The following STRN variants were observed in gnomAD, a reference collection of about 807,000 sequenced individuals.
STRN encodes the protein protein phosphatase 2 regulatory subunit B'''alpha.
STRN carries 53 observed loss-of-function variants against 96.3 expected under a neutral mutation model. The ratio of observed to expected loss-of-function variants is 0.55; its 90% CI spans 0.44 to 0.69. The LOEUF is 0.69. Ranked by LOEUF, STRN falls within the 30% of genes least tolerant of loss-of-function variation. The probability of loss-of-function intolerance (pLI) is 0.00; values close to 1 mark genes in which losing one functional copy is unlikely to be tolerated. For missense variants in STRN, 987 were observed against 963.9 expected (o/e 1.02, Z -0.32); for synonymous variants, 428 against 355.9 (o/e 1.20, Z -2.28).
intron 9 of STRN, among the ~76,000 whole-genome samples, chr2:36,878,569 G>A (rs1453537796): frequency 1.3e-5 from 2 of 152,118 alleles, no homozygotes; most frequent in Non-Finnish European, 2.9e-5. Context: ...TTAAAGAAAG[G>A]AAGCAACAAC....
intron 4 of STRN, among the ~76,000 whole-genome samples, chr2:36,903,254 G>C (rs1217907084): frequency 6.6e-6 from 1 of 152,116 alleles, no homozygotes; most frequent in East Asian, 1.9e-4. Context: ...AATAAAAATA[G>C]ACTGCAATTA....
chr2:36,916,544 T>C (rs1670104633), intron 2 of STRN, among the ~76,000 whole-genome samples: 1 of 152,046 alleles, frequency 6.6e-6, no homozygotes, highest in African/African-American at 2.4e-5. Context: ...GTAGAAGACT[T>C]TTCTCAAAAA....
chr2:36,953,939 T>G (rs753349211), intron 1 of STRN, among the ~76,000 whole-genome samples: 4 of 152,072 alleles, frequency 2.6e-5, no homozygotes, highest in Non-Finnish European at 5.9e-5. Context: ...GAGGCTGCAG[T>G]GAACTATGAT....
chr2:36,883,938 C>T lies in STRN; in HGVS notation c.1180G>A (p.Asp394Asn), dbSNP rs1296838899. Residue 394 changes from aspartate (D) to asparagine (N), a missense_variant, in exon 9 of 18, where the codon GAT becomes AAT. By Grantham distance (23) the Asp-to-Asn change is conservative. Coordinates refer to ENST00000263918, the MANE Select transcript of STRN (RefSeq NM_003162.4). ...RLPEHEINRADEVEALTFPPS... is the reference protein window; with the variant it reads ...RLPEHEINRANEVEALTFPPS... Reference sequence around the variant, plus strand: ...GAGTATCTTAAATACTTACCTTCATCTGCCCTATTAATTTCATGTTCAGGA... The same window carrying T: ...GAGTATCTTAAATACTTACCTTCATTTGCCCTATTAATTTCATGTTCAGGA... 4.3e-6 allele frequency: 6 copies of T among 1,382,682 alleles called. No individual in the cohort carries two copies. Among genetic ancestry groups the T allele is most frequent in the Non-Finnish European group, 5.7e-6 (6 of 1,061,440 alleles). 85.7% of individuals were successfully genotyped at this position (1,382,682 alleles called of 1,614,324 possible). A position where few individuals can be genotyped will look rare whatever the true frequency, so the allele number is the denominator to read the frequency against.
At position 36,927,536 on chromosome 2, in the gene STRN, G is replaced by A. The variant is rs563354866; in HGVS notation, c.235-2328C>T. Among the ~76,000 whole-genome samples, 4 of 126,896 alleles carry A rather than the reference G, an allele frequency of 3.2e-5. 1 individual carries two copies. Among genetic ancestry groups the A allele is most frequent in the Non-Finnish European group, 5.0e-5 (3 of 60,524 alleles). 83.2% of individuals were successfully genotyped at this position (126,896 alleles called of 152,430 possible). A position where few individuals can be genotyped will look rare whatever the true frequency, so the allele number is the denominator to read the frequency against. On this transcript the variant is annotated intron_variant, in intron 1 of 17. Coordinates refer to ENST00000263918, the MANE Select transcript of STRN (RefSeq NM_003162.4). The stretch of plus-strand genomic sequence containing the variant: ...AAAAACAAAAAAAAGGGGGGGGGGG[G>A]TGGTAATCAGGGCCAGGCATGGTAG...
At chr2:36,926,466 C>T (rs1162839800) in intron 1 of STRN, among the ~76,000 whole-genome samples, 2 of 152,112 alleles carry the variant, frequency 1.3e-5, no homozygotes, top group African/African-American at 2.4e-5. Context: ...ATTAAGTGAG[C>T]AAGAACTTTA....
In STRN at chr2:36,842,769, T is replaced by C. The variant is rs1667981577; in HGVS notation, c.*6687A>G. Among the ~76,000 whole-genome samples, 1 of 152,204 alleles carries C rather than the reference T, an allele frequency of 6.6e-6. No homozygotes were observed. Among genetic ancestry groups the C allele is most frequent in the Non-Finnish European group, 1.5e-5 (1 of 68,040 alleles). ...ATACAAAACTTACTGAGTTAAAATTTGTGTTTCAGAAAACGGATTCCAATT... is the reference window on the plus strand; with the variant it reads ...ATACAAAACTTACTGAGTTAAAATTCGTGTTTCAGAAAACGGATTCCAATT... On this transcript the variant is annotated 3_prime_UTR_variant, in exon 18 of 18. Transcript: ENST00000263918.
intron 11 of STRN, among the ~76,000 whole-genome samples, chr2:36,869,060 T>C: frequency 6.6e-6 from 1 of 152,114 alleles, no homozygotes; most frequent in Non-Finnish European, 1.5e-5. Context: ...AGTCTAGACA[T>C]ATTGGTGGGT....
intron 9 of STRN, among the ~76,000 whole-genome samples, chr2:36,881,041 C>T (rs1572644275): frequency 6.6e-6 from 1 of 151,520 alleles, no homozygotes; most frequent in East Asian, 1.9e-4. Flanking sequence ...GCAACTAAAC[C>T]TTCCTAGCCC....
chr2:36,941,173 A>G (rs1489499437), intron 1 of STRN, among the ~76,000 whole-genome samples: 3 of 152,194 alleles, frequency 2.0e-5, no homozygotes, highest in Non-Finnish European at 4.4e-5. Flanking sequence ...AAGGAAGTAA[A>G]TTAAAATGAT....
At chr2:36,946,507 A>G (rs1670988386) in intron 1 of STRN, among the ~76,000 whole-genome samples, 1 of 152,230 alleles carries the variant, frequency 6.6e-6, no homozygotes, top group South Asian at 2.1e-4. Flanking sequence ...AGAAGACTTG[A>G]AATGTAAACA....
At chr2:36,917,661 A>G (rs1209660387) in intron 2 of STRN, among the ~76,000 whole-genome samples, 1 of 152,166 alleles carries the variant, frequency 6.6e-6, no homozygotes, top group Non-Finnish European at 1.5e-5. Context: ...CACAACAGAA[A>G]AAAAAGTTTT....
chr2:36,940,730 G>A (rs1183360319), intron 1 of STRN, among the ~76,000 whole-genome samples: 2 of 151,582 alleles, frequency 1.3e-5, no homozygotes, highest in East Asian at 1.9e-4. Context: ...CCAGCTATTC[G>A]GGAGGCTGAG....
In STRN at chr2:36,840,564, G is replaced by A. The variant is rs1162554702; in HGVS notation, c.*8892C>T. On this transcript the variant is annotated 3_prime_UTR_variant, in exon 18 of 18. Coordinates refer to ENST00000263918, the MANE Select transcript of STRN (RefSeq NM_003162.4). ...TTTTTTTTTTTTTTTTTTGGTCTTTGATGATTTGTATAATTTAGATTTTGA... is the reference window on the plus strand; with the variant it reads ...TTTTTTTTTTTTTTTTTTGGTCTTTAATGATTTGTATAATTTAGATTTTGA... 1 of 138,808 alleles carries A rather than the reference G, an allele frequency of 7.2e-6. No homozygotes were observed. The highest frequency in any genetic ancestry group is 1.5e-5 in the Non-Finnish European group (1 of 65,454). The allele number at this position is 138,808 out of a possible 1,614,324, so 8.6% of individuals were successfully genotyped here. A position where few individuals can be genotyped will look rare whatever the true frequency, so the allele number is the denominator to read the frequency against.
Position 36,840,914 on chromosome 2 carries a change from C to A in STRN, c.*8542G>T, listed in dbSNP as rs1667936637. The stretch of plus-strand genomic sequence containing the variant: ...TAAACATCACATATTCCTTATTAAT[C>A]TTTGTATTCCAAAAATAATTTCTGA... On this transcript the variant is annotated 3_prime_UTR_variant, in exon 18 of 18. Coordinates refer to ENST00000263918, the MANE Select transcript of STRN (RefSeq NM_003162.4). 1 of 152,056 alleles carries A rather than the reference C, an allele frequency of 6.6e-6. No homozygotes were observed. Among genetic ancestry groups the A allele is most frequent in the African/African-American group, 2.4e-5 (1 of 41,414 alleles). 9.4% of individuals were successfully genotyped at this position (152,056 alleles called of 1,614,324 possible). A position where few individuals can be genotyped will look rare whatever the true frequency, so the allele number is the denominator to read the frequency against.
At chr2:36,891,920 A>G (rs1250072133) in intron 7 of STRN, among the ~76,000 whole-genome samples, 2 of 152,098 alleles carry the variant, frequency 1.3e-5, no homozygotes, top group Admixed American at 6.5e-5. Context: ...ACTTTTTTTC[A>G]TTTTGGCTTT....
At chr2:36,954,449 T>G (rs1265156846) in intron 1 of STRN, among the ~76,000 whole-genome samples, 11 of 149,610 alleles carry the variant, frequency 7.4e-5, no homozygotes, top group African/African-American at 2.7e-4. Flanking sequence ...TAGGCAGAGG[T>G]TGCAGTGAGT....
intron 3 of STRN, among the ~76,000 whole-genome samples, chr2:36,915,093 A>T (rs561573353): frequency 2.7e-5 from 4 of 150,432 alleles, no homozygotes; most frequent in Admixed American, 1.3e-4. Context: ...GCTACTCGGG[A>T]GGCTGAGGCA....
At chr2:36,948,999 C>T (rs113176542) in intron 1 of STRN, among the ~76,000 whole-genome samples, 286 of 152,324 alleles carry the variant, frequency 1.9e-3, no homozygotes, top group Admixed American at 4.0e-3. Flanking sequence ...AATGACACTT[C>T]AGTCAATGAT....
Sources: gnomAD v4.1 joint callset for allele counts (sites outside exome capture counted in the v4.1 genomes callset) on GRCh38, gnomAD v4.1.1 for gene constraint, MANE v1.5 for transcripts, NCBI Gene and HGNC (gene_info 2026-07-23, HGNC 2026-07-21) for gene names.